Variants in PSG2 observed in about 807,000 individuals in gnomAD.
PSG2 encodes pregnancy-specific beta-1-glycoprotein 2.
In PSG2, 49 loss-of-function variants were observed where a neutral mutation model predicts 36.2. The ratio of observed to expected loss-of-function variants is 1.35; its 90% CI spans 1.08 to 1.72. The LOEUF (loss-of-function observed/expected upper bound fraction) is 1.72, where lower values mean the gene tolerates loss of function less well. PSG2 is among the 40% of genes most tolerant of loss of function. PSG2 has a pLI of 0.00. For missense variants in PSG2, 605 were observed against 407.2 expected, an observed-to-expected ratio of 1.49 and a Z score of -4.18; for synonymous variants, 261 against 155.6, an observed-to-expected ratio of 1.68 and a Z score of -5.04.
intron 4 of PSG2, among the ~76,000 whole-genome samples, chr19:43,070,258 G>C (rs563211406): frequency 6.6e-6 from 1 of 151,726 alleles, no homozygotes; most frequent in Non-Finnish European, 1.5e-5. Flanking sequence ...ATGGGAATGG[G>C]AAATGTTATA....
At chr19:43,072,764 CA>C (rs1389529387) in intron 3 of PSG2, 1 of 1,483,050 alleles carries the variant, frequency 6.7e-7, no homozygotes, top group Non-Finnish European at 9.1e-7. Context: ...GTGTGTGTGT[CA>C]CAAGACAGAT....
chr19:43,065,559 A>T (rs1455028213), intron 5 of PSG2: 1 of 151,626 alleles, frequency 6.6e-6, no homozygotes, highest in Admixed American at 6.6e-5. Context: ...TTTTCCAGTG[A>T]TTCCAATGTG....
At chr19:43,072,696 A>G (rs1472361524) in intron 3 of PSG2, 4 of 1,588,338 alleles carry the variant, frequency 2.5e-6, no homozygotes, top group Admixed American at 1.7e-5. Flanking sequence ...GCATCCTTCA[A>G]TCAGAGTTAC....
chr19:43,082,426 G>A, intron 1 of PSG2, 80 bp downstream of exon 1: 1 of 1,572,888 alleles, frequency 6.4e-7, no homozygotes, highest in Non-Finnish European at 8.7e-7. Context: ...TCATTTTTTA[G>A]AACCCCATCC....
At chr19:43,066,730 A>C in intron 4 of PSG2, 130 bp from the exon 5 acceptor site, 6 of 1,362,716 alleles carry the variant, frequency 4.4e-6, no homozygotes, top group African/African-American at 1.5e-5. Context: ...TTCTCTTGGA[A>C]TATTGATGGG....
intron 1 of PSG2, among the ~76,000 whole-genome samples, chr19:43,081,447 TC>T (rs1568517450): frequency 6.6e-6 from 1 of 150,926 alleles, no homozygotes; most frequent in Non-Finnish European, 1.5e-5. Flanking sequence ...TGTACTACTG[TC>T]CTACTAGGTC....
rs1320468557 is a variant in PSG2 at position 43,068,467 on chromosome 19, AAAGAAAGAAAG to A, written c.965-1878_965-1868del. ...TCTCTCTTTTCAACAAAAAAAAAAA[AAAGAAAGAAAG>A]AAAGAAAGAAAGAAAAATGAAGCGA... is the stretch of plus-strand genomic sequence containing the variant. On this transcript the variant is annotated intron_variant, in intron 4 of 5. Transcript: ENST00000406487. Among the ~76,000 whole-genome samples the A allele has an allele frequency of 1.1e-3, 142 of 134,530 alleles. 1 individual carries two copies. The highest frequency in any genetic ancestry group is 4.5e-3 in the African/African-American group (126 of 28,246). 88.3% of individuals were successfully genotyped at this position (134,530 alleles called of 152,430 possible). A position where few individuals can be genotyped will look rare whatever the true frequency, so the allele number is the denominator to read the frequency against.
Position 43,080,861 on chromosome 19 carries a change from G to T in PSG2, c.430+20C>A. On this transcript the variant is annotated intron_variant, in intron 2 of 5. Coordinates refer to ENST00000406487, the MANE Select transcript of PSG2 (RefSeq NM_031246.4). ...TGACCCCTGTCCCCCAACACCCAGG[G>T]ATCATGTGGAATCACTTACGGTATA... The T allele has an allele frequency of 6.2e-7, 1 of 1,611,890 alleles. No homozygotes were observed. Among genetic ancestry groups the T allele is most frequent in the South Asian group, 1.1e-5 (1 of 90,860 alleles).
chr19:43,069,336 G>C (rs1599705179), intron 4 of PSG2, among the ~76,000 whole-genome samples: 1 of 151,536 alleles, frequency 6.6e-6, no homozygotes, highest in African/African-American at 2.4e-5. Context: ...GAATCTCAGT[G>C]ACATTTTTGC....
At chr19:43,066,760 G>GT (rs1002740685) in intron 4 of PSG2, among the ~76,000 whole-genome samples, 160 bp from the exon 5 acceptor site, 2 of 151,014 alleles carry the variant, frequency 1.3e-5, no homozygotes, top group South Asian at 2.1e-4. Context: ...TATTCTTGCA[G>GT]TTTTTTTTCC....
chr19:43,080,234 T>C (rs1967952385), intron 2 of PSG2, among the ~76,000 whole-genome samples: 1 of 151,796 alleles, frequency 6.6e-6, no homozygotes, highest in Non-Finnish European at 1.5e-5. Context: ...CCTAAGGCAG[T>C]TGGCTGATGG....
At chr19:43,081,284 T>C in intron 1 of PSG2, 38 bp from the exon 2 acceptor site, 2 of 1,591,460 alleles carry the variant, frequency 1.3e-6, no homozygotes, top group Non-Finnish European at 1.7e-6. Context: ...TATTGAGACC[T>C]ATGTATTGGG....
Position 43,072,983 on chromosome 19 carries a change from C to G in PSG2, c.710-1029G>C, listed in dbSNP as rs376463621. On this transcript the variant is annotated intron_variant, in intron 3 of 5. Coordinates refer to ENST00000406487, the MANE Select transcript of PSG2 (RefSeq NM_031246.4). ...GTTCCTTACCTGGAATGTGCAACTG[C>G]TGGGCCCCTTCCAAATTCCATCCTA... Among the ~76,000 whole-genome samples, 9 of 151,792 alleles carry G rather than the reference C, an allele frequency of 5.9e-5. 1 individual carries two copies. The East Asian group carries it at 7.7e-4, about 13-fold the overall frequency.
rs755204737 is a variant in PSG2, at chr19:43,081,089, G to A, written c.222C>T (p.Asp74=). Residue 74 remains aspartate (D), a synonymous_variant, in exon 2 of 6, where the codon GAC becomes GAT. Transcript: ENST00000406487. The stretch of plus-strand genomic sequence containing the variant: ...CATATGATGTAATGTAATGGTAGAG[G>A]TCCCTGATTTGCCCTTTGTACCAGA... ...GYIWYKGQIR[D]LYHYITSYVV... 1 of 1,612,830 alleles carries A rather than the reference G, an allele frequency of 6.2e-7. No homozygotes were observed. Among genetic ancestry groups the A allele is most frequent in the Admixed American group, 1.7e-5 (1 of 59,938 alleles).
chr19:43,075,553 A>C lies in PSG2; in HGVS notation c.510T>G (p.Asp170Glu). 1 of 1,613,288 alleles carries C rather than the reference A, an allele frequency of 6.2e-7. No homozygotes were observed. The highest frequency in any genetic ancestry group is 8.5e-7 in the Non-Finnish European group (1 of 1,179,746). ...GGTAGCTTGTGTCCGGAGTCTCAGG[A>C]TCACAGGTTAAGATCACAGTTTCCA... ...EAMETVILTC[D>E]PETPDTSYQW... is the part of the protein sequence containing the mutation. The change falls in exon 3 of 6, where the codon GAT becomes GAG. Residue 170 changes from aspartate (D) to glutamate (E), a missense_variant. Physicochemically the swap from Asp to Glu is conservative, Grantham distance 45 (BLOSUM62 2). Coordinates refer to ENST00000406487, the MANE Select transcript of PSG2 (RefSeq NM_031246.4).
At chr19:43,072,602 ATGG>A in intron 3 of PSG2, 3 of 1,611,504 alleles carry the variant, frequency 1.9e-6, no homozygotes, top group Middle Eastern at 2.1e-4. Flanking sequence ...TAAGTTGTTG[ATGG>A]TGATTTAGGG....
chr19:43,071,675 G>T (rs753262109), intron 4 of PSG2, 25 bp downstream of exon 4: 5 of 1,612,664 alleles, frequency 3.1e-6, no homozygotes, highest in Non-Finnish European at 4.2e-6. Context: ...AAACCCTACT[G>T]CCAAGGATGC....
chr19:43,067,380 C>CT (rs893617760), intron 4 of PSG2, among the ~76,000 whole-genome samples: 10 of 150,934 alleles, frequency 6.6e-5, no homozygotes, highest in Non-Finnish European at 1.2e-4. Context: ...TTGCCCTTAG[C>CT]TTTTTTTCTT....
chr19:43,074,130 C>T (rs1162429567), intron 3 of PSG2, among the ~76,000 whole-genome samples: 2 of 151,614 alleles, frequency 1.3e-5, no homozygotes, highest in Admixed American at 6.6e-5. Flanking sequence ...GAACTTTCCA[C>T]CTTTTCATGG....
Sources: allele counts gnomAD v4.1 joint callset (sites outside exome capture counted in the v4.1 genomes callset), GRCh38; gene constraint gnomAD v4.1.1; transcripts MANE v1.5; gene names NCBI Gene and HGNC (gene_info 2026-07-23, HGNC 2026-07-21).